RBFOX1: variants seen among roughly 807,000 people sequenced by gnomAD.
RBFOX1 encodes the protein RNA binding fox-1 homolog 1, also known as RNA binding protein fox-1 homolog 1.
In RBFOX1, 8 loss-of-function variants were observed where a neutral mutation model predicts 57.7. The observed-to-expected ratio is 0.14, with a 90% CI of 0.08 to 0.25. The LOEUF is 0.25. Ranked by LOEUF, RBFOX1 falls within the 10% of genes least tolerant of loss-of-function variation. RBFOX1 has a pLI of 1.00. For missense variants in RBFOX1, 611 were observed against 548.5 expected (o/e 1.11, Z -1.14); for synonymous variants, 326 against 222.4 (o/e 1.47, Z -4.15).
At position 7,330,693 on chromosome 16, in the gene RBFOX1, C is replaced by G. The variant is rs149178902; in HGVS notation, c.28-187454C>G. ...TGCTCAGGAAACTAAGAGTCTAAAG[C>G]TGTAAATTTGTTGCCTGAATGATGG... On this transcript the variant is annotated intron_variant, in intron 4 of 15. Transcript: ENST00000550418. Among the ~76,000 whole-genome samples, 285 of 152,112 alleles carry G rather than the reference C, an allele frequency of 1.9e-3. 1 individual carries two copies. Among genetic ancestry groups the G allele is most frequent in the African/African-American group, 6.3e-3 (260 of 41,476 alleles).
intron 3 of RBFOX1, among the ~76,000 whole-genome samples, chr16:5,834,641 G>T (rs1376055261): frequency 2.0e-5 from 3 of 151,774 alleles, no homozygotes; most frequent in Non-Finnish European, 4.4e-5. Context: ...TTTGTTTTCT[G>T]TTGGGTAGTT....
chr16:7,697,297 G>A (rs2079100428), intron 14 of RBFOX1, among the ~76,000 whole-genome samples: 2 of 152,140 alleles, frequency 1.3e-5, no homozygotes, highest in South Asian at 2.1e-4. Flanking sequence ...GATTAGAAGT[G>A]TACAAGCTCG....
intron 3 of RBFOX1, among the ~76,000 whole-genome samples, chr16:7,021,996 CCCCCTCTCCCTCCCCTT>C (rs1470112722): frequency 3.3e-5 from 1 of 30,586 alleles, no homozygotes; most frequent in South Asian, 1.8e-3. Context: ...CCTTCCCCCT[CCCCCTCTCCCTCCCCTT>C]CCCTTCCCCC....
At chr16:6,815,285 C>T (rs996983469) in intron 3 of RBFOX1, among the ~76,000 whole-genome samples, 2 of 152,082 alleles carry the variant, frequency 1.3e-5, no homozygotes, top group Non-Finnish European at 2.9e-5. Flanking sequence ...ACTTCTTTGC[C>T]ACTTGCTATT....
chr16:6,726,230 C>T (rs1029164987), intron 3 of RBFOX1, among the ~76,000 whole-genome samples: 1 of 152,070 alleles, frequency 6.6e-6, no homozygotes, highest in Non-Finnish European at 1.5e-5. Context: ...TAATTCCTAC[C>T]CCCTACCCCA....
chr16:6,497,021 C>T (rs1334852642), intron 2 of RBFOX1, among the ~76,000 whole-genome samples: 1 of 152,158 alleles, frequency 6.6e-6, no homozygotes, highest in Non-Finnish European at 1.5e-5. Flanking sequence ...CTACGAGAGG[C>T]ACTGTGTCTT....
chr16:6,346,559 A>T (rs2085404976), intron 2 of RBFOX1, among the ~76,000 whole-genome samples: 1 of 152,194 alleles, frequency 6.6e-6, no homozygotes, highest in Admixed American at 6.5e-5. Flanking sequence ...TTCTGTCCAT[A>T]AAGGCTGACT....
At chr16:5,955,046 C>T (rs1353305337) in intron 4 of RBFOX1, among the ~76,000 whole-genome samples, 4 of 137,700 alleles carry the variant, frequency 2.9e-5, no homozygotes, top group Non-Finnish European at 4.6e-5. Context: ...TTGCGGAGGC[C>T]GAAGCGGGTG....
intron 1 of RBFOX1, among the ~76,000 whole-genome samples, chr16:6,067,201 G>A (rs1217488050): frequency 2.6e-5 from 4 of 152,092 alleles, no homozygotes; most frequent in Non-Finnish European, 5.9e-5. Flanking sequence ...TTACGTCCTC[G>A]ATTCTTACCT....
At chr16:6,860,757 C>G (rs151276888) in intron 3 of RBFOX1, among the ~76,000 whole-genome samples, 371 of 152,038 alleles carry the variant, frequency 2.4e-3, no homozygotes, top group African/African-American at 8.4e-3. Context: ...AATCTGAAAA[C>G]CATAATGTTG....
chr16:7,398,258 G>A (rs1190693206), intron 4 of RBFOX1, among the ~76,000 whole-genome samples: 1 of 152,144 alleles, frequency 6.6e-6, no homozygotes, highest in Non-Finnish European at 1.5e-5. Flanking sequence ...GCATAGGGTT[G>A]AATCTTATGT....
chr16:7,400,705 A>G (rs998368901), intron 4 of RBFOX1, among the ~76,000 whole-genome samples: 1 of 152,146 alleles, frequency 6.6e-6, no homozygotes, highest in Non-Finnish European at 1.5e-5. Flanking sequence ...AGGGGAGGAA[A>G]AATTCTTCTG....
At chr16:7,710,130 TCCACAACTCCCTTC>T in intron 15 of RBFOX1, 2 of 1,020,086 alleles carry the variant, frequency 2.0e-6, no homozygotes, top group Non-Finnish European at 2.3e-6. Flanking sequence ...TCTGTACAAC[TCCACAACTCCCTTC>T]TCAAGATCAG....
chr16:6,369,602 C>T (rs916827393), intron 2 of RBFOX1, among the ~76,000 whole-genome samples: 1 of 152,154 alleles, frequency 6.6e-6, no homozygotes, highest in Non-Finnish European at 1.5e-5. Context: ...AAATCTGTGT[C>T]TTGTTACTAC....
At chr16:6,448,640 T>G (rs998084044) in intron 2 of RBFOX1, among the ~76,000 whole-genome samples, 1 of 152,168 alleles carries the variant, frequency 6.6e-6, no homozygotes. Context: ...AAATGTCACC[T>G]GGAGGACAAA....
chr16:5,814,923 G>C (rs545375332), intron 3 of RBFOX1, among the ~76,000 whole-genome samples: 1 of 151,776 alleles, frequency 6.6e-6, no homozygotes, highest in Non-Finnish European at 1.5e-5. Context: ...GCGACAGAGC[G>C]AGACTCCGTC....
At chr16:5,872,509 T>A (rs1045863712) in intron 4 of RBFOX1, among the ~76,000 whole-genome samples, 3 of 151,908 alleles carry the variant, frequency 2.0e-5, no homozygotes, top group Non-Finnish European at 4.4e-5. Flanking sequence ...GGCAGGAAGA[T>A]CACTTGAGCC....
chr16:6,269,757 G>A (rs2074981300), intron 1 of RBFOX1, among the ~76,000 whole-genome samples: 1 of 152,054 alleles, frequency 6.6e-6, no homozygotes. Context: ...TAAACAGAAA[G>A]GAAAGGATAA....
At chr16:6,395,664 G>T (rs1002829655) in intron 2 of RBFOX1, among the ~76,000 whole-genome samples, 1 of 151,884 alleles carries the variant, frequency 6.6e-6, no homozygotes, top group African/African-American at 2.4e-5. Context: ...AGTGTTCCTT[G>T]TGTATATATC....
Sources: gnomAD v4.1 joint callset for allele counts (sites outside exome capture counted in the v4.1 genomes callset) on GRCh38, gnomAD v4.1.1 for gene constraint, MANE v1.5 for transcripts, NCBI Gene and HGNC (gene_info 2026-07-23, HGNC 2026-07-21) for gene names.